The following USP13 variants were observed in gnomAD, a reference collection of about 807,000 sequenced individuals.
USP13 encodes the protein ubiquitin specific peptidase 13, also known as ubiquitin carboxyl-terminal hydrolase 13.
Under a neutral mutation model 107.8 loss-of-function variants are expected in USP13, and 68 were observed. That is an observed-to-expected ratio of 0.63 (90% confidence interval 0.52 to 0.77). The LOEUF (loss-of-function observed/expected upper bound fraction) is 0.77, where lower values mean the gene tolerates loss of function less well. USP13 is among the 30% of genes least tolerant of loss of function. The probability of loss-of-function intolerance (pLI) is 0.00; values close to 1 mark genes in which losing one functional copy is unlikely to be tolerated. For synonymous variants in USP13, 377 were observed against 389.5 expected (o/e 0.97, Z 0.38); for missense variants, 945 against 1,093.3 (o/e 0.86, Z 1.91).
rs1714728294 is a variant in USP13 at position 179,754,765 on chromosome 3, T to C, written c.1832T>C (p.Ile611Thr). 1 of 1,613,704 alleles carries C rather than the reference T, an allele frequency of 6.2e-7. No homozygotes were observed. Among genetic ancestry groups the C allele is most frequent in the Non-Finnish European group, 8.5e-7 (1 of 1,179,884 alleles). Residue 611 changes from isoleucine (I) to threonine (T), a missense_variant, in exon 15 of 21, where the codon ATC becomes ACC. Physicochemically the swap from Ile to Thr is moderately conservative, Grantham distance 89. Coordinates refer to ENST00000263966, the MANE Select transcript of USP13 (RefSeq NM_003940.3). ...VSIDMPDLLD[I>T]NHLRARGLQP... Reference sequence around the variant, plus strand: ...ATTGATATGCCAGACCTACTTGATATCAACCATCTCCGAGCCAGGGGGTTA... The same window carrying C: ...ATTGATATGCCAGACCTACTTGATACCAACCATCTCCGAGCCAGGGGGTTA...
At chr3:179,765,879 A>G (rs375755802) in intron 19 of USP13, 31 bp downstream of exon 19, 10 of 1,608,156 alleles carry the variant, frequency 6.2e-6, no homozygotes, top group South Asian at 1.1e-5. Flanking sequence ...CTGTCTGAGC[A>G]GTCAGAACTA....
chr3:179,754,824 C>A lies in USP13; in HGVS notation c.1891C>A (p.Pro631Thr), dbSNP rs147444783. ...PGEEELPDIS[P>T]PIVIPDDSKD... ...AGAGGAAGAACTTCCAGACATCAGC[C>A]CCCCCATAGTCATTCCTGATGACTC... The change falls in exon 15 of 21, where the codon CCC (proline) becomes ACC (threonine). Residue 631 changes from proline (P) to threonine (T), a missense_variant. Physicochemically the swap from Pro to Thr is conservative, Grantham distance 38. Coordinates refer to ENST00000263966, the MANE Select transcript of USP13 (RefSeq NM_003940.3). 596 of 1,612,476 alleles carry A rather than the reference C, an allele frequency of 3.7e-4. No homozygotes were observed. Among genetic ancestry groups the A allele is most frequent in the Non-Finnish European group, 4.3e-4 (510 of 1,179,408 alleles).
chr3:179,735,543 C>A (rs1713967458), intron 10 of USP13, among the ~76,000 whole-genome samples: 1 of 152,048 alleles, frequency 6.6e-6, no homozygotes, highest in South Asian at 2.1e-4. Flanking sequence ...TCTGGTTCCA[C>A]CAGTTTCCCT....
chr3:179,784,244 T>C lies in USP13; in HGVS notation c.*103T>C, dbSNP rs1047476881. The C allele has an allele frequency of 2.4e-6, 2 of 825,408 alleles. No homozygotes were observed. The highest frequency in any genetic ancestry group is 3.9e-6 in the Non-Finnish European group (2 of 510,786). The allele number at this position is 825,408 out of a possible 1,614,324, so 51.1% of individuals were successfully genotyped here. A position where few individuals can be genotyped will look rare whatever the true frequency, so the allele number is the denominator to read the frequency against. On this transcript the variant is annotated 3_prime_UTR_variant, in exon 21 of 21. Transcript: ENST00000263966. The stretch of plus-strand genomic sequence containing the variant: ...TGAAACAACTAGACATGAAGGAATA[T>C]ATGGGGTATTTATCGTTTATTTAAA...
At chr3:179,759,306 T>C (rs1553798443) in intron 16 of USP13, among the ~76,000 whole-genome samples, 1 of 152,166 alleles carries the variant, frequency 6.6e-6, no homozygotes, top group Non-Finnish European at 1.5e-5. Flanking sequence ...TGGTCTAATA[T>C]TATAAACATG....
chr3:179,654,452 G>C (rs1720192611), intron 1 of USP13, among the ~76,000 whole-genome samples: 1 of 152,178 alleles, frequency 6.6e-6, no homozygotes, highest in Non-Finnish European at 1.5e-5. Flanking sequence ...CGGGGCGGTT[G>C]GTGGTGGTTT....
chr3:179,700,144 C>A (rs1279553111), intron 3 of USP13, among the ~76,000 whole-genome samples: 1 of 152,006 alleles, frequency 6.6e-6, no homozygotes, highest in Non-Finnish European at 1.5e-5. Flanking sequence ...CCTGAGCCTT[C>A]GTTTAACCTT....
At chr3:179,672,592 C>T (rs1215008098) in intron 1 of USP13, among the ~76,000 whole-genome samples, 1 of 151,954 alleles carries the variant, frequency 6.6e-6, no homozygotes, top group African/African-American at 2.4e-5. Flanking sequence ...ACCACTATTC[C>T]CGGCTAATTT....
At chr3:179,712,365 A>G (rs141316659) in intron 6 of USP13, among the ~76,000 whole-genome samples, 5 of 152,190 alleles carry the variant, frequency 3.3e-5, no homozygotes, top group African/African-American at 1.2e-4. Context: ...GTTTAGATAA[A>G]TCAATACAAA....
At chr3:179,739,429 T>C (rs1714109762) in intron 10 of USP13, among the ~76,000 whole-genome samples, 1 of 152,188 alleles carries the variant, frequency 6.6e-6, no homozygotes, top group Admixed American at 6.5e-5. Context: ...TCTGCAGTGC[T>C]TCACTGGGCC....
At chr3:179,694,687 G>A (rs1712225258) in intron 3 of USP13, among the ~76,000 whole-genome samples, 1 of 151,322 alleles carries the variant, frequency 6.6e-6, no homozygotes, top group Non-Finnish European at 1.5e-5. Context: ...TGTAATCCCA[G>A]CTATTTGTGA....
intron 7 of USP13, among the ~76,000 whole-genome samples, chr3:179,720,860 G>A (rs562207793): frequency 6.6e-6 from 1 of 150,884 alleles, no homozygotes; most frequent in Non-Finnish European, 1.5e-5. Flanking sequence ...CCAGGCTGGA[G>A]TGCAGTGGCG....
chr3:179,730,452 G>T (rs1301318860), intron 9 of USP13, among the ~76,000 whole-genome samples, 164 bp from the exon 10 acceptor site: 1 of 152,186 alleles, frequency 6.6e-6, no homozygotes, highest in Admixed American at 6.5e-5. Context: ...TTTGAAACTG[G>T]TATCAGTATG....
intron 19 of USP13, 122 bp downstream of exon 19, chr3:179,765,970 C>A: frequency 1.8e-5 from 18 of 981,092 alleles, no homozygotes; most frequent in Non-Finnish European, 2.3e-5. Flanking sequence ...CAGATCCCAT[C>A]TTCTTCGTTT....
At chr3:179,747,710 C>T (rs1482468652) in intron 13 of USP13, among the ~76,000 whole-genome samples, 1 of 152,112 alleles carries the variant, frequency 6.6e-6, no homozygotes, top group East Asian at 1.9e-4. Flanking sequence ...GTCTACCTTC[C>T]ACGTTAGCTT....
Position 179,720,027 on chromosome 3 carries a change from T to A in USP13, c.893T>A (p.Met298Lys). 1 of 1,613,758 alleles carries A rather than the reference T, an allele frequency of 6.2e-7. No individual in the cohort carries two copies. The highest frequency in any genetic ancestry group is 8.5e-7 in the Non-Finnish European group (1 of 1,179,790). The change falls in exon 7 of 21, where the codon ATG becomes AAG. Residue 298 changes from methionine to lysine, a missense_variant. Coordinates refer to ENST00000263966, the MANE Select transcript of USP13 (RefSeq NM_003940.3). ...CATTTTGGAATTGATATGCTTCATATGCATGGGGTGAGGTCTCCTTTTGTT... is the reference window on the plus strand; with the variant it reads ...CATTTTGGAATTGATATGCTTCATAAGCATGGGGTGAGGTCTCCTTTTGTT... ...LAHFGIDMLH[M>K]HGTENGLQDN...
chr3:179,764,148 A>G lies in USP13; in HGVS notation c.2239A>G (p.Ile747Val). Reference protein sequence around the residue: ...TSMGFQRNQAIQALRATNNNL... With the variant: ...TSMGFQRNQAVQALRATNNNL... Reference sequence around the variant, plus strand: ...CATGGGATTTCAGCGAAATCAGGCTATTCAGGCACTACGAGCAACGGTGAG... The same window carrying G: ...CATGGGATTTCAGCGAAATCAGGCTGTTCAGGCACTACGAGCAACGGTGAG... Residue 747 changes from isoleucine (I) to valine (V), a missense_variant, in exon 18 of 21, where the codon ATT (isoleucine) becomes GTT (valine). Ile to Val is a conservative substitution (Grantham distance 29, BLOSUM62 3). Transcript: ENST00000263966. The G allele has an allele frequency of 6.2e-7, 1 of 1,613,134 alleles. No homozygotes were observed. Among genetic ancestry groups the G allele is most frequent in the Non-Finnish European group, 8.5e-7 (1 of 1,179,884 alleles).
chr3:179,677,045 A>C (rs1225847238), intron 1 of USP13, among the ~76,000 whole-genome samples: 3 of 151,760 alleles, frequency 2.0e-5, no homozygotes, highest in Non-Finnish European at 2.9e-5. Context: ...TTTAGTAGAG[A>C]CTGGATTTTA....
At chr3:179,728,116 A>T (rs1212299987) in intron 8 of USP13, among the ~76,000 whole-genome samples, 1 of 103,908 alleles carries the variant, frequency 9.6e-6, no homozygotes. Context: ...CTGGCCGGGC[A>T]GAGGGGCTCC....
Sources: allele counts gnomAD v4.1 joint callset (sites outside exome capture counted in the v4.1 genomes callset), GRCh38; gene constraint gnomAD v4.1.1; transcripts MANE v1.5; gene names NCBI Gene and HGNC (gene_info 2026-07-23, HGNC 2026-07-21).